ARHGAP35: variants seen among roughly 807,000 people sequenced by gnomAD.
The protein encoded by ARHGAP35 is rho GTPase-activating protein 35.
ARHGAP35 carries 15 observed loss-of-function variants against 111.1 expected under a neutral mutation model. The ratio of observed to expected loss-of-function variants is 0.13; its 90% CI spans 0.09 to 0.21. The LOEUF (loss-of-function observed/expected upper bound fraction) is 0.21, where lower values mean the gene tolerates loss of function less well. ARHGAP35 is among the 10% of genes least tolerant of loss of function. ARHGAP35 has a pLI of 1.00. For missense variants in ARHGAP35, 1,262 were observed against 1,873.0 expected (o/e 0.67, Z 6.02); for synonymous variants, 643 against 710.3 (o/e 0.91, Z 1.51).
chr19:46,938,472 G>A (rs986907634), intron 3 of ARHGAP35, among the ~76,000 whole-genome samples: 3 of 151,936 alleles, frequency 2.0e-5, no homozygotes, highest in Non-Finnish European at 2.9e-5. Flanking sequence ...TCCTGCTTCA[G>A]CCTCTGAGTA....
intron 1 of ARHGAP35, among the ~76,000 whole-genome samples, chr19:46,874,596 C>T (rs762917085): frequency 1.3e-5 from 2 of 150,570 alleles, no homozygotes; most frequent in Admixed American, 1.3e-4. Flanking sequence ...CCTCCGCCTC[C>T]TGCGTTCAAG....
At position 46,861,152 on chromosome 19, in the gene ARHGAP35, C is replaced by G. The variant is rs536068772; in HGVS notation, c.-246C>G. On this transcript the variant is annotated 5_prime_UTR_variant, in exon 1 of 7. Transcript: ENST00000672722. ...GGAGCAGGGGAACATGGCGCCGGGG[C>G]CCCCGTCGTTGCTGCCGGGATTTTG... Among the ~76,000 whole-genome samples, 1 of 151,690 alleles carries G rather than the reference C, an allele frequency of 6.6e-6. No individual in the cohort carries two copies. Among genetic ancestry groups the G allele is most frequent in the African/African-American group, 2.4e-5 (1 of 41,362 alleles).
intron 2 of ARHGAP35, among the ~76,000 whole-genome samples, chr19:46,928,390 C>T (rs2056251021): frequency 6.6e-6 from 1 of 152,196 alleles, no homozygotes; most frequent in African/African-American, 2.4e-5. Context: ...ATCACCTTTG[C>T]TTATAAGGCA....
chr19:46,905,459 T>G (rs2056101979), intron 1 of ARHGAP35, among the ~76,000 whole-genome samples: 1 of 150,276 alleles, frequency 6.7e-6, no homozygotes. Context: ...CACTGCCACC[T>G]CTGCCGCCGG....
At position 46,962,960 on chromosome 19, in the gene ARHGAP35, G is replaced by A. The variant is rs140857182; in HGVS notation, c.3827-25029G>A. Among the ~76,000 whole-genome samples, 630 of 152,158 alleles carry A rather than the reference G, an allele frequency of 4.1e-3. 5 individuals carry two copies. Among genetic ancestry groups the A allele is most frequent in the African/African-American group, 0.015 (608 of 41,492 alleles). On this transcript the variant is annotated intron_variant, in intron 3 of 6. Transcript: ENST00000672722. Reference sequence around the variant, plus strand: ...TTCTCACTGCATCCTCATCCTTCCCGTTTTGCTGCTGCTTCCTACTCCTTT... The same window carrying A: ...TTCTCACTGCATCCTCATCCTTCCCATTTTGCTGCTGCTTCCTACTCCTTT...
intron 1 of ARHGAP35, among the ~76,000 whole-genome samples, chr19:46,865,287 T>C (rs938130711): frequency 9.2e-5 from 14 of 152,184 alleles, no homozygotes; most frequent in African/African-American, 3.4e-4. Context: ...GCCTAGAAAA[T>C]CTTTGTAAAG....
At chr19:46,905,468 G>A (rs903182570) in intron 1 of ARHGAP35, among the ~76,000 whole-genome samples, 12 of 148,994 alleles carry the variant, frequency 8.1e-5, no homozygotes, top group African/African-American at 2.7e-4. Context: ...CTCTGCCGCC[G>A]GGGTTCAAGA....
Position 46,988,266 on chromosome 19 carries a change from A to C in ARHGAP35, c.3904+200A>C. ...GGTCCTGTCAGTGAACCGAAGCACC[A>C]TCCCTGCCCAAGCTGGGTCATGTAG... On this transcript the variant is annotated intron_variant, in intron 4 of 6. Coordinates refer to ENST00000672722, the MANE Select transcript of ARHGAP35 (RefSeq NM_004491.5). The surrounding 1 kb of genome is among the most constrained non-coding windows in gnomAD (Gnocchi z 5.4). 1 of 559,572 alleles carries C rather than the reference A, an allele frequency of 1.8e-6. No individual in the cohort carries two copies. The allele number at this position is 559,572 out of a possible 1,614,324, so 34.7% of individuals were successfully genotyped here.
At chr19:46,865,043 A>T (rs912679041) in intron 1 of ARHGAP35, among the ~76,000 whole-genome samples, 1 of 152,186 alleles carries the variant, frequency 6.6e-6, no homozygotes, top group East Asian at 1.9e-4. Context: ...TTTCCACCTT[A>T]ACTGGTAACC....
rs575366470 is a variant in ARHGAP35, at chr19:46,879,955, A to G, written c.-189+18746A>G. ...ACACAAATTAGCCAGGCATGGTGGT[A>G]TATGCCTGTAATCCCAGAAACTTGG... On this transcript the variant is annotated intron_variant, in intron 1 of 6. Coordinates refer to ENST00000672722, the MANE Select transcript of ARHGAP35 (RefSeq NM_004491.5). Among the ~76,000 whole-genome samples the G allele has an allele frequency of 7.9e-4, 119 of 151,186 alleles. 1 individual carries two copies. The highest frequency in any genetic ancestry group is 2.8e-3 in the African/African-American group (113 of 41,010).
intron 1 of ARHGAP35, among the ~76,000 whole-genome samples, chr19:46,895,422 C>T (rs549774254): frequency 8.2e-4 from 125 of 152,322 alleles, no homozygotes; most frequent in Non-Finnish European, 1.6e-3. Flanking sequence ...GCCTCGGCCT[C>T]CCAAAGTGCT....
intron 3 of ARHGAP35, among the ~76,000 whole-genome samples, chr19:46,985,185 T>C (rs1599866038): frequency 6.6e-6 from 1 of 152,176 alleles, no homozygotes; most frequent in Non-Finnish European, 1.5e-5. Flanking sequence ...ATATGTGAAA[T>C]AGGTAGAAGT....
chr19:47,000,120 G>A lies in ARHGAP35; in HGVS notation c.4143-211G>A, dbSNP rs2056738044. Among the ~76,000 whole-genome samples the A allele has an allele frequency of 6.6e-6, 1 of 152,198 alleles. No individual in the cohort carries two copies. The highest frequency in any genetic ancestry group is 1.5e-5 in the Non-Finnish European group (1 of 68,034). ...CGGGGCTCCAGGCAGCCTTTCCGAGGTTGGCCATGTAGAGGCACTGGGCTG... is the reference window on the plus strand; with the variant it reads ...CGGGGCTCCAGGCAGCCTTTCCGAGATTGGCCATGTAGAGGCACTGGGCTG... On this transcript the variant is annotated intron_variant, in intron 6 of 6. Transcript: ENST00000672722. This position sits in a 1 kb window ranked among gnomAD's most constrained non-coding sequence, Gnocchi z 6.9.
intron 1 of ARHGAP35, among the ~76,000 whole-genome samples, chr19:46,902,744 C>G: frequency 6.6e-6 from 1 of 152,168 alleles, no homozygotes; most frequent in Non-Finnish European, 1.5e-5. Context: ...CCACGGCCCC[C>G]TCTAATGTTT....
At chr19:46,997,135 C>T (rs2056714838) in intron 5 of ARHGAP35, among the ~76,000 whole-genome samples, 1 of 152,062 alleles carries the variant, frequency 6.6e-6, no homozygotes, top group Admixed American at 6.6e-5. Flanking sequence ...CCAGCCTGGG[C>T]AACAGAGCGA....
At chr19:46,864,034 C>T (rs939136885) in intron 1 of ARHGAP35, among the ~76,000 whole-genome samples, 1 of 152,240 alleles carries the variant, frequency 6.6e-6, no homozygotes, top group Non-Finnish European at 1.5e-5. Flanking sequence ...CTGAGTGCCT[C>T]TGGGCAGATC....
chr19:46,984,062 T>C (rs1338925626), intron 3 of ARHGAP35, among the ~76,000 whole-genome samples: 1 of 152,074 alleles, frequency 6.6e-6, no homozygotes. Context: ...AACTTAAACA[T>C]AGAAGATAAT....
chr19:46,954,819 A>C (rs2056430291), intron 3 of ARHGAP35, among the ~76,000 whole-genome samples: 1 of 152,370 alleles, frequency 6.6e-6, no homozygotes. Flanking sequence ...CTGAAACTAC[A>C]ATCAGTGTTT....
At chr19:46,923,335 C>T (rs1040902765) in intron 2 of ARHGAP35, among the ~76,000 whole-genome samples, 1 of 151,872 alleles carries the variant, frequency 6.6e-6, no homozygotes, top group Admixed American at 6.6e-5. Flanking sequence ...AGGATGGTCT[C>T]CATCTCCTGA....
Sources: gnomAD v4.1 joint callset for allele counts (sites outside exome capture counted in the v4.1 genomes callset) on GRCh38, gnomAD v4.1.1 for gene constraint, Gnocchi (gnomAD v3.1) non-coding constraint, MANE v1.5 for transcripts, NCBI Gene and HGNC (gene_info 2026-07-23, HGNC 2026-07-21) for gene names.